The following USP35 variants were observed in gnomAD, a reference collection of about 807,000 sequenced individuals.
The protein encoded by USP35 is ubiquitin carboxyl-terminal hydrolase 35.
In USP35, 69 loss-of-function variants were observed where a neutral mutation model predicts 83.8. That is an observed-to-expected ratio of 0.82 (90% CI 0.68 to 1.01). The LOEUF is 1.01. Ranked by LOEUF, USP35 falls within the 50% of genes least tolerant of loss-of-function variation. The pLI is 0.00. For missense variants in USP35, 1,503 were observed against 1,362.5 expected, an observed-to-expected ratio of 1.10 and a Z score of -1.62; for synonymous variants, 714 against 589.5, an observed-to-expected ratio of 1.21 and a Z score of -3.06.
chr11:78,234,964 C>G, the USP35 span, among the ~76,000 whole-genome samples: 26 of 152,054 alleles, frequency 1.7e-4, no homozygotes, highest in Non-Finnish European at 1.0e-4. Context: ...GAGCTGAGAT[C>G]ATGCCACTGC....
At chr11:78,220,819 T>A in the USP35 span, among the ~76,000 whole-genome samples, 1 of 152,184 alleles carries the variant, frequency 6.6e-6, no homozygotes, top group East Asian at 1.9e-4. Flanking sequence ...CAACAGTGGC[T>A]CTCCTGAGAC....
rs1863334009 is a variant in USP35 at position 78,200,879 on chromosome 11, C to G, written c.1197+71C>G. The G allele has an allele frequency of 1.3e-5, 19 of 1,515,352 alleles. No individual in the cohort carries two copies. In the South Asian group the frequency reaches 2.5e-4, roughly 20 times the overall value. 93.9% of individuals were successfully genotyped at this position (1,515,352 alleles called of 1,614,324 possible). ...GTACCAGTGTGGGCCTTCCAGCGGGCCATACCACAGCTTGGTGGCAGTCCC... is the reference window on the plus strand; with the variant it reads ...GTACCAGTGTGGGCCTTCCAGCGGGGCATACCACAGCTTGGTGGCAGTCCC... On this transcript the variant is annotated intron_variant, in intron 6 of 10. Transcript: ENST00000529308.
In USP35 at chr11:78,214,976, A is replaced by C. The variant is rs1327144567; in HGVS notation, c.*1163A>C. ...CAAGCCTTTACCTACCTCCTTCCCC[A>C]GGGGCTGCCTGCTGTGATGGTGGTG... On this transcript the variant is annotated 3_prime_UTR_variant, in exon 11 of 11. Transcript: ENST00000529308. 6.6e-6 allele frequency among the ~76,000 whole-genome samples: 1 copy of C among 152,084 alleles called. No homozygotes were observed. Among genetic ancestry groups the C allele is most frequent in the African/African-American group, 2.4e-5 (1 of 41,404 alleles).
the USP35 span, among the ~76,000 whole-genome samples, chr11:78,227,631 C>CAAAAAAAAAAAAAAAAAA: frequency 1.9e-4 from 20 of 106,096 alleles, no homozygotes; most frequent in African/African-American, 5.1e-4. Flanking sequence ...CCATTGCCAC[C>CAAAAAAAAAAAAAAAAAA]AAAAAAAAAA....
Position 78,197,959 on chromosome 11 carries a change from C to G in USP35, c.697C>G (p.Leu233Val), listed in dbSNP as rs763644488. 15 of 1,614,194 alleles carry G rather than the reference C, an allele frequency of 9.3e-6. No homozygotes were observed. The highest frequency in any genetic ancestry group is 1.3e-5 in the Non-Finnish European group (15 of 1,180,016). ...AGAGGAGGAGCCACCATCTAGCGCC[C>G]TGGCCAGCGTGGTCCAGCACCTCCC... is the stretch of plus-strand genomic sequence containing the variant. Reference protein sequence around the residue: ...CAEEEPPSSALASVVQHLPLE... With the variant: ...CAEEEPPSSAVASVVQHLPLE... The change falls in exon 3 of 11, where the codon CTG becomes GTG. Residue 233 changes from leucine (L) to valine (V), a missense_variant. Leu to Val is a conservative substitution (Grantham distance 32, BLOSUM62 1). Transcript: ENST00000529308.
chr11:78,216,158 C>T (rs1310858117), downstream of USP35: 1 of 152,610 alleles, frequency 6.6e-6, no homozygotes, highest in Non-Finnish European at 1.5e-5. Flanking sequence ...TCCCATTCCA[C>T]AGACAGGCAG....
intron 6 of USP35, among the ~76,000 whole-genome samples, chr11:78,202,672 GAGAA>G (rs769304205): frequency 6.6e-6 from 1 of 152,142 alleles, no homozygotes; most frequent in African/African-American, 2.4e-5. Flanking sequence ...AACTTAACAC[GAGAA>G]AGAACTTTTT....
chr11:78,214,714 TTGTTCTTCCTTGGACTCA>T lies in USP35; in HGVS notation c.*902_*919del, dbSNP rs1258554173. 1 of 152,068 alleles carries T rather than the reference TTGTTCTTCCTTGGACTCA, an allele frequency of 6.6e-6. No individual in the cohort carries two copies. Among genetic ancestry groups the T allele is most frequent in the Non-Finnish European group, 1.5e-5 (1 of 67,976 alleles). 9.4% of individuals were successfully genotyped at this position (152,068 alleles called of 1,614,324 possible). On this transcript the variant is annotated 3_prime_UTR_variant, in exon 11 of 11. Coordinates refer to ENST00000529308, the MANE Select transcript of USP35 (RefSeq NM_020798.4). Reference sequence around the variant, plus strand: ...AATAAAAGTAAGCCTAAGCAAGAGATTGTTCTTCCTTGGACTCAGGGGCTGTGATGGCCACTGGGTTTT... The same window carrying T: ...AATAAAAGTAAGCCTAAGCAAGAGATGGGGCTGTGATGGCCACTGGGTTTT...
At chr11:78,225,268 C>T in the USP35 span, 1 of 1,051,726 alleles carries the variant, frequency 9.5e-7, no homozygotes, top group Non-Finnish European at 1.5e-6. Flanking sequence ...TACCCATACC[C>T]TCACCAGTGT....
downstream of USP35, chr11:78,218,957 T>C: frequency 3.8e-6 from 1 of 263,550 alleles, no homozygotes; most frequent in Non-Finnish European, 7.2e-6. Context: ...AAACATCTGG[T>C]AGAGAGTCAG....
rs1862922017 is a variant in USP35, at chr11:78,189,143, A to T, written c.-25A>T. The stretch of plus-strand genomic sequence containing the variant: ...CCCGCCCAGCAGCCGGCTCTGGCCC[A>T]CCGGGGTCCGGGAGGTAAGGGGGTT... On this transcript the variant is annotated 5_prime_UTR_variant, in exon 1 of 11. Coordinates refer to ENST00000529308, the MANE Select transcript of USP35 (RefSeq NM_020798.4). The T allele has an allele frequency of 1.0e-5, 2 of 197,764 alleles. No homozygotes were observed. The highest frequency in any genetic ancestry group is 1.3e-4 in the Admixed American group (2 of 15,332). The allele number at this position is 197,764 out of a possible 1,614,324, so 12.3% of individuals were successfully genotyped here.
In USP35 at chr11:78,207,114, G is replaced by A. The variant is rs117437433; in HGVS notation, c.1392-416G>A. 1.8e-3 allele frequency: 288 copies of A among 160,564 alleles called. 1 individual carries two copies. The highest frequency in any genetic ancestry group is 3.2e-3 in the Admixed American group (50 of 15,758). The allele number at this position is 160,564 out of a possible 1,614,324, so 9.9% of individuals were successfully genotyped here. A position where few individuals can be genotyped will look rare whatever the true frequency, so the allele number is the denominator to read the frequency against. The stretch of plus-strand genomic sequence containing the variant: ...TCTGCTGCTCTGGAGGTGGATGAAT[G>A]CCTTTCCCCAGGGAAGCAGCTAATA... On this transcript the variant is annotated intron_variant, in intron 7 of 10. Transcript: ENST00000529308.
At position 78,215,085 on chromosome 11, in the gene USP35, C is replaced by CCATCT. The variant is rs1864050815; in HGVS notation, c.*1274_*1278dup. On this transcript the variant is annotated 3_prime_UTR_variant, in exon 11 of 11. Coordinates refer to ENST00000529308, the MANE Select transcript of USP35 (RefSeq NM_020798.4). ...AGCAGCAGACAGACACGCCCAGAAC[C>CCATCT]CATCTCTAGACGCCTAAGAAAGCTG... Among the ~76,000 whole-genome samples the CCATCT allele has an allele frequency of 6.6e-6, 1 of 152,178 alleles. No homozygotes were observed. Among genetic ancestry groups the CCATCT allele is most frequent in the East Asian group, 1.9e-4 (1 of 5,202 alleles).
At chr11:78,223,222 C>T in the USP35 span, among the ~76,000 whole-genome samples, 1 of 152,188 alleles carries the variant, frequency 6.6e-6, no homozygotes, top group Non-Finnish European at 1.5e-5. Context: ...CCTAGATGCT[C>T]TCCTTTGCAG....
In USP35 at chr11:78,200,670, C is replaced by A. The variant is rs1279540233; in HGVS notation, c.1059C>A (p.Pro353=). The part of the protein sequence containing the change: ...AFHLLLPHIP[P]MVASLVKEDS... Reference sequence around the variant, plus strand: ...CACAGCTCCTCCCTCACATCCCCCCCATGGTGGCCTCTCTGGTCAAGGAGG... The same window carrying A: ...CACAGCTCCTCCCTCACATCCCCCCAATGGTGGCCTCTCTGGTCAAGGAGG... The change falls in exon 6 of 11, where the codon CCC becomes CCA. Residue 353 remains proline, a synonymous_variant. Transcript: ENST00000529308. 3.7e-6 allele frequency: 6 copies of A among 1,612,410 alleles called. No homozygotes were observed. Among genetic ancestry groups the A allele is most frequent in the South Asian group, 3.3e-5 (3 of 90,910 alleles).
intron 1 of USP35, among the ~76,000 whole-genome samples, chr11:78,191,290 A>G (rs1424887488): frequency 6.6e-6 from 1 of 152,198 alleles, no homozygotes; most frequent in Non-Finnish European, 1.5e-5. Flanking sequence ...AGGTGAAAGG[A>G]TCTGGGCCTT....
the USP35 span, chr11:78,226,601 C>CT: frequency 1.9e-6 from 1 of 528,584 alleles, no homozygotes; most frequent in Non-Finnish European, 3.4e-6. Flanking sequence ...CCTGACTTGG[C>CT]TTGGGGGGGC....
chr11:78,215,720 C>T (rs1010179795), downstream of USP35: 2 of 152,346 alleles, frequency 1.3e-5, no homozygotes, highest in Non-Finnish European at 2.9e-5. Context: ...CGGCAGGTAC[C>T]CCATTGTGGT....
downstream of USP35, chr11:78,218,873 G>A: frequency 6.0e-6 from 1 of 167,510 alleles, no homozygotes; most frequent in Admixed American, 6.3e-5. Context: ...CCCAGTGGCC[G>A]GAGGGAAGAT....
Sources: gnomAD v4.1 joint callset for allele counts (sites outside exome capture counted in the v4.1 genomes callset) on GRCh38, gnomAD v4.1.1 for gene constraint, MANE v1.5 for transcripts, NCBI Gene and HGNC (gene_info 2026-07-23, HGNC 2026-07-21) for gene names.